Variants in THADA observed in about 807,000 individuals in gnomAD.
The protein encoded by THADA is THADA armadillo repeat containing.
In THADA, 213 loss-of-function variants were observed where a neutral mutation model predicts 219.8. That is an observed-to-expected ratio of 0.97 (90% CI 0.87 to 1.09). THADA has a LOEUF of 1.09. Ranked by LOEUF, THADA falls within the 50% of genes least tolerant of loss-of-function variation. The pLI, the probability that THADA is intolerant of heterozygous loss-of-function variation, is 0.00. For missense variants in THADA, 2,956 were observed against 2,311.3 expected (o/e 1.28, Z -5.72); for synonymous variants, 1,018 against 828.9 (o/e 1.23, Z -3.92).
chr2:43,239,481 G>A (rs889733512), intron 36 of THADA, among the ~76,000 whole-genome samples: 1 of 152,224 alleles, frequency 6.6e-6, no homozygotes, highest in Admixed American at 6.5e-5. Flanking sequence ...TTAATTTCTA[G>A]GCAGGTAGAC....
At chr2:43,565,714 C>A (rs1344471368) in intron 15 of THADA, 1 of 152,216 alleles carries the variant, frequency 6.6e-6, no homozygotes, top group African/African-American at 2.4e-5. Context: ...GGATATTTTC[C>A]TGTTTGACCA....
intron 34 of THADA, among the ~76,000 whole-genome samples, chr2:43,291,278 C>T (rs573876650): frequency 4.0e-5 from 6 of 151,224 alleles, no homozygotes; most frequent in African/African-American, 1.2e-4. Flanking sequence ...GGTGAAACCC[C>T]GCCTCTACTA....
intron 26 of THADA, among the ~76,000 whole-genome samples, chr2:43,457,272 C>T (rs1281851790): frequency 6.6e-6 from 1 of 151,592 alleles, no homozygotes; most frequent in African/African-American, 2.4e-5. Context: ...TAATAAGATA[C>T]CAATATTTGG....
intron 29 of THADA, among the ~76,000 whole-genome samples, chr2:43,357,735 G>C (rs905860688): frequency 6.6e-6 from 1 of 152,132 alleles, no homozygotes; most frequent in African/African-American, 2.4e-5. Flanking sequence ...GACTCAACTG[G>C]AAAGATCTCC....
intron 29 of THADA, among the ~76,000 whole-genome samples, chr2:43,344,881 T>C (rs1185942651): frequency 1.3e-5 from 2 of 152,250 alleles, no homozygotes; most frequent in Non-Finnish European, 2.9e-5. Flanking sequence ...CGTATGTATG[T>C]ACTGGATTCA....
At chr2:43,281,170 T>C (rs1673310751) in intron 35 of THADA, among the ~76,000 whole-genome samples, 1 of 152,240 alleles carries the variant, frequency 6.6e-6, no homozygotes, top group Admixed American at 6.5e-5. Context: ...TCAGAGTCAC[T>C]GATGCTTTAG....
chr2:43,453,604 G>A (rs868519902), intron 26 of THADA, among the ~76,000 whole-genome samples: 1 of 152,298 alleles, frequency 6.6e-6, no homozygotes, highest in Middle Eastern at 3.4e-3. Context: ...ATTCCAAGAT[G>A]AGAGTCCTGT....
intron 26 of THADA, among the ~76,000 whole-genome samples, chr2:43,473,008 G>A (rs1229491153): frequency 6.6e-6 from 1 of 152,112 alleles, no homozygotes; most frequent in Non-Finnish European, 1.5e-5. Flanking sequence ...GTGAGTGGTG[G>A]GTGAACATGA....
At chr2:43,528,549 C>T (rs1047380510) in intron 21 of THADA, among the ~76,000 whole-genome samples, 1 of 152,094 alleles carries the variant, frequency 6.6e-6, no homozygotes, top group Non-Finnish European at 1.5e-5. Context: ...GGCTAAGAAA[C>T]TTATCCAAGG....
intron 25 of THADA, among the ~76,000 whole-genome samples, chr2:43,498,476 GCA>G (rs1688544594): frequency 6.6e-6 from 1 of 152,124 alleles, no homozygotes. Flanking sequence ...AACAATAACA[GCA>G]CATAGATTGG....
In THADA at chr2:43,319,495, G is replaced by A. The variant is rs116742671; in HGVS notation, c.4438+951C>T. Among the ~76,000 whole-genome samples, 685 of 152,164 alleles carry A rather than the reference G, an allele frequency of 4.5e-3. 5 individuals carry two copies. Among genetic ancestry groups the A allele is most frequent in the African/African-American group, 0.016 (650 of 41,504 alleles). Reference sequence around the variant, plus strand: ...TAATATACATCGATCTGGGTGAGACGGTTTTGCATGCTCCCACCTCCCCGA... The same window carrying A: ...TAATATACATCGATCTGGGTGAGACAGTTTTGCATGCTCCCACCTCCCCGA... On this transcript the variant is annotated intron_variant, in intron 31 of 37. Coordinates refer to ENST00000405975, the MANE Select transcript of THADA (RefSeq NM_022065.5).
intron 32 of THADA, 128 bp downstream of exon 32, chr2:43,292,706 G>C (rs967894985): frequency 1.7e-6 from 2 of 1,180,212 alleles, no homozygotes; most frequent in Non-Finnish European, 2.4e-6. Context: ...TCCACTGGCT[G>C]CCGAATCTAC....
At chr2:43,513,255 C>T (rs1205489449) in intron 22 of THADA, among the ~76,000 whole-genome samples, 1 of 152,156 alleles carries the variant, frequency 6.6e-6, no homozygotes, top group Non-Finnish European at 1.5e-5. Flanking sequence ...GATGAAACAG[C>T]TGAGTTTCCA....
chr2:43,501,554 G>T (rs1460262874), intron 24 of THADA, among the ~76,000 whole-genome samples: 1 of 151,958 alleles, frequency 6.6e-6, no homozygotes, highest in African/African-American at 2.4e-5. Flanking sequence ...ACAGCAATAG[G>T]ACAAACATAC....
chr2:43,270,882 A>G (rs2104265816), intron 36 of THADA, among the ~76,000 whole-genome samples: 1 of 152,196 alleles, frequency 6.6e-6, no homozygotes, highest in South Asian at 2.1e-4. Context: ...ATATAAATAA[A>G]ATGGAGGAAA....
At chr2:43,576,792 C>T (rs1293315931) in intron 10 of THADA, among the ~76,000 whole-genome samples, 1 of 152,106 alleles carries the variant, frequency 6.6e-6, no homozygotes, top group Non-Finnish European at 1.5e-5. Flanking sequence ...GTAGCTGAGA[C>T]TACAGGCGCA....
intron 22 of THADA, among the ~76,000 whole-genome samples, chr2:43,513,025 G>A (rs539565791): frequency 6.6e-6 from 1 of 152,248 alleles, no homozygotes; most frequent in South Asian, 2.1e-4. Flanking sequence ...ATGGACCCGT[G>A]TTATCTGGTT....
chr2:43,400,024 CTGTG>C (rs1674603314), intron 28 of THADA, among the ~76,000 whole-genome samples: 1 of 152,210 alleles, frequency 6.6e-6, no homozygotes, highest in Non-Finnish European at 1.5e-5. Flanking sequence ...TTGTGTTACA[CTGTG>C]TTTTATGTTA....
chr2:43,576,884 G>A (rs1699911834), intron 10 of THADA, 138 bp downstream of exon 10: 1 of 734,634 alleles, frequency 1.4e-6, no homozygotes, highest in African/African-American at 1.8e-5. Context: ...TGAACTCCTG[G>A]CCTCAAGTGA....
Sources: allele counts gnomAD v4.1 joint callset (sites outside exome capture counted in the v4.1 genomes callset), GRCh38; gene constraint gnomAD v4.1.1; transcripts MANE v1.5; gene names NCBI Gene and HGNC (gene_info 2026-07-23, HGNC 2026-07-21).